DOCK5: variants seen among roughly 807,000 people sequenced by gnomAD.
DOCK5 encodes the protein dedicator of cytokinesis 5.
A neutral mutation model predicts 251.8 loss-of-function variants in DOCK5; 142 were observed. The ratio of observed to expected loss-of-function variants is 0.56; its 90% CI spans 0.49 to 0.65. DOCK5 has a LOEUF of 0.65. Ranked by LOEUF, DOCK5 falls within the 30% of genes least tolerant of loss-of-function variation. The pLI, the probability that DOCK5 is intolerant of heterozygous loss-of-function variation, is 0.00. For missense variants in DOCK5, 2,111 were observed against 2,312.3 expected, an observed-to-expected ratio of 0.91 and a Z score of 1.79; for synonymous variants, 842 against 835.5, an observed-to-expected ratio of 1.01 and a Z score of -0.13.
intron 41 of DOCK5, among the ~76,000 whole-genome samples, chr8:25,389,649 A>G (rs983571136): frequency 6.6e-6 from 1 of 152,156 alleles, no homozygotes; most frequent in Non-Finnish European, 1.5e-5. Flanking sequence ...GCCTAACTTT[A>G]CCATTTACCA....
At chr8:25,274,355 T>G (rs1002674569) in intron 3 of DOCK5, among the ~76,000 whole-genome samples, 2 of 152,192 alleles carry the variant, frequency 1.3e-5, no homozygotes, top group African/African-American at 4.8e-5. Context: ...GTGCCAGGTA[T>G]AAGCTCCATG....
intron 1 of DOCK5, among the ~76,000 whole-genome samples, chr8:25,185,571 T>A (rs1237157165): frequency 1.3e-5 from 2 of 152,128 alleles, no homozygotes; most frequent in African/African-American, 4.8e-5. Flanking sequence ...GGCTGGCCCC[T>A]GGGGCTGTTT....
At chr8:25,185,377 C>G (rs1178002511) in intron 1 of DOCK5, among the ~76,000 whole-genome samples, 1 of 152,166 alleles carries the variant, frequency 6.6e-6, no homozygotes, top group East Asian at 1.9e-4. Context: ...CCAGTGCTTT[C>G]TGCCCCCCGC....
At chr8:25,262,983 T>C (rs1803633960) in intron 2 of DOCK5, among the ~76,000 whole-genome samples, 1 of 150,134 alleles carries the variant, frequency 6.7e-6, no homozygotes, top group African/African-American at 2.5e-5. Context: ...TTATTATGCC[T>C]ATGTAGTGTA....
rs577689909 is a variant in DOCK5 at position 25,222,064 on chromosome 8, G to T, written c.44-21610G>T. Among the ~76,000 whole-genome samples the T allele has an allele frequency of 4.6e-5, 7 of 152,220 alleles. No individual in the cohort carries two copies. In the East Asian group the frequency reaches 1.2e-3, roughly 25 times the overall value. On this transcript the variant is annotated intron_variant, in intron 1 of 51. Coordinates refer to ENST00000276440, the MANE Select transcript of DOCK5 (RefSeq NM_024940.8). ...GAGAGAGCATTGCTTTTTGCTAGGG[G>T]TTTTTGCTGTTTAGGACACTCTGTT...
chr8:25,324,012 CT>C (rs1805495917), intron 17 of DOCK5, 61 bp downstream of exon 17: 1 of 1,453,684 alleles, frequency 6.9e-7, no homozygotes. Flanking sequence ...TTTAAGACTC[CT>C]TTCATATTTA....
intron 1 of DOCK5, among the ~76,000 whole-genome samples, chr8:25,202,119 C>T (rs545554427): frequency 1.4e-4 from 22 of 152,208 alleles, no homozygotes; most frequent in Admixed American, 3.9e-4. Context: ...CGGGTTCACG[C>T]GATTCTCCTG....
chr8:25,208,122 T>C (rs1802046404), intron 1 of DOCK5, among the ~76,000 whole-genome samples: 1 of 152,200 alleles, frequency 6.6e-6, no homozygotes, highest in South Asian at 2.1e-4. Flanking sequence ...AAGTGGAGCC[T>C]GAAGATGTGA....
chr8:25,377,698 G>A (rs1800989074), intron 38 of DOCK5, among the ~76,000 whole-genome samples: 2 of 152,150 alleles, frequency 1.3e-5, no homozygotes, highest in South Asian at 2.1e-4. Flanking sequence ...ACAGTGAAGT[G>A]CTATATTTAA....
At chr8:25,313,029 T>A (rs1007967846) in intron 13 of DOCK5, among the ~76,000 whole-genome samples, 2 of 152,010 alleles carry the variant, frequency 1.3e-5, no homozygotes, top group African/African-American at 2.4e-5. Context: ...AAATACAGAT[T>A]CCCAGATTTC....
At chr8:25,406,464 C>T (rs1045321483) in intron 48 of DOCK5, among the ~76,000 whole-genome samples, 1 of 152,078 alleles carries the variant, frequency 6.6e-6, no homozygotes, top group African/African-American at 2.4e-5. Flanking sequence ...ACCTGAATGC[C>T]ACCCTGCCTG....
chr8:25,339,656 A>T (rs918632048), intron 22 of DOCK5, among the ~76,000 whole-genome samples: 9 of 152,194 alleles, frequency 5.9e-5, no homozygotes, highest in African/African-American at 2.2e-4. Flanking sequence ...GCAGGGACCT[A>T]TAGGGCACCA....
chr8:25,345,701 G>T (rs1800354030), intron 26 of DOCK5, 90 bp downstream of exon 26: 1 of 1,539,942 alleles, frequency 6.5e-7, no homozygotes, highest in Non-Finnish European at 8.8e-7. Context: ...CTATTCTCAG[G>T]TAGTTTCCAG....
intron 51 of DOCK5, among the ~76,000 whole-genome samples, chr8:25,410,708 CCA>C (rs141546011): frequency 0.085 from 11,919 of 140,062 alleles, 508 homozygotes; most frequent in South Asian, 0.11. Flanking sequence ...GTGATCCCCC[CCA>C]CCCACCTCAG....
At chr8:25,375,641 A>G (rs1295127959) in intron 37 of DOCK5, 1 of 967,852 alleles carries the variant, frequency 1.0e-6, no homozygotes, top group Non-Finnish European at 1.2e-6. Flanking sequence ...CTCTGCCTCC[A>G]GTTTTGTTCT....
At chr8:25,363,488 C>T (rs1277823455) in intron 29 of DOCK5, among the ~76,000 whole-genome samples, 1 of 152,202 alleles carries the variant, frequency 6.6e-6, no homozygotes, top group Non-Finnish European at 1.5e-5. Context: ...TATGACCGGT[C>T]CATGATGTAT....
At position 25,268,883 on chromosome 8, in the gene DOCK5, A is replaced by G. The variant is rs1803833987; in HGVS notation, c.166A>G (p.Lys56Glu). ...ATATACCCTCCAAAATAAATCTAAA[A>G]AGGTATGACTTATCATTCACTTTTT... is the stretch of plus-strand genomic sequence containing the variant. ...RGYTLQNKSKKGIFPETYIHL... is the reference protein window; with the variant it reads ...RGYTLQNKSKEGIFPETYIHL... Residue 56 changes from lysine (K) to glutamate (E), a missense_variant and splice_region_variant, in exon 3 of 52, where the codon AAG becomes GAG. Lys to Glu is a moderately conservative substitution (Grantham distance 56). This residue lies in a region of DOCK5 where 335 missense variants were observed against 324.9 expected (regional missense o/e 1.03). Coordinates refer to ENST00000276440, the MANE Select transcript of DOCK5 (RefSeq NM_024940.8). 6.4e-7 allele frequency: 1 copy of G among 1,560,516 alleles called. No individual in the cohort carries two copies.
chr8:25,279,501 C>A (rs1804132701), intron 5 of DOCK5, among the ~76,000 whole-genome samples: 1 of 151,232 alleles, frequency 6.6e-6, no homozygotes. Flanking sequence ...GAGTCTCACT[C>A]TTTCGCCCAA....
Position 25,390,243 on chromosome 8 carries a change from G to GA in DOCK5, c.4311_4312insA (p.Pro1438ThrfsTer7), listed in dbSNP as rs1307925647. The GA allele has an allele frequency of 3.8e-6, 6 of 1,594,070 alleles. No individual in the cohort carries two copies. The stretch of plus-strand genomic sequence containing the variant: ...TCACTGTAAAGCCAGTGATGAGCTT[G>GA]CCGCCCAGCTACAAGGATAAACCTG... On this transcript the variant is annotated frameshift_variant, in exon 42 of 52. Transcript: ENST00000276440. LOFTEE classifies it high-confidence loss of function.
Sources: allele counts gnomAD v4.1 joint callset (sites outside exome capture counted in the v4.1 genomes callset), GRCh38; gene constraint gnomAD v4.1.1; regional missense constraint gnomAD v4.1.1; transcripts MANE v1.5; gene names NCBI Gene and HGNC (gene_info 2026-07-23, HGNC 2026-07-21).